PPP6C: variants seen among roughly 807,000 people sequenced by gnomAD.
The protein encoded by PPP6C is serine/threonine-protein phosphatase 6 catalytic subunit.
A neutral mutation model predicts 39.8 loss-of-function variants in PPP6C; 11 were observed. The ratio of observed to expected loss-of-function variants is 0.28; its 90% CI spans 0.17 to 0.46. The LOEUF (loss-of-function observed/expected upper bound fraction) is 0.46. PPP6C is among the 20% of genes least tolerant of loss of function. The pLI, the probability that PPP6C is intolerant of heterozygous loss-of-function variation, is 1.00. For missense variants in PPP6C, 211 were observed against 373.9 expected (o/e 0.56, Z 3.59); for synonymous variants, 129 against 130.3 (o/e 0.99, Z 0.07).
In PPP6C at chr9:125,153,740, T is replaced by G; in HGVS notation, c.462A>C (p.Leu154Phe). 1 of 1,613,058 alleles carries G rather than the reference T, an allele frequency of 6.2e-7. No individual in the cohort carries two copies. Among genetic ancestry groups the G allele is most frequent in the Non-Finnish European group, 8.5e-7 (1 of 1,179,716 alleles). ...KVFDMLTVAA[L>F]IDEQILCVHG... ...GGACACACAAAATCTGCTCATCTAT[T>G]AACTAGCAAAAAAGGATAACAAAGA... The change falls in exon 6 of 7, where the codon TTA (leucine) becomes TTC (phenylalanine). Residue 154 changes from leucine to phenylalanine, a missense_variant and splice_region_variant. Physicochemically the swap from Leu to Phe is conservative, Grantham distance 22 (BLOSUM62 0). Transcript: ENST00000373547.
chr9:125,158,338 A>C lies in PPP6C; in HGVS notation c.282T>G (p.Thr94=). 1 of 1,613,452 alleles carries C rather than the reference A, an allele frequency of 6.2e-7. No individual in the cohort carries two copies. Among genetic ancestry groups the C allele is most frequent in the Non-Finnish European group, 8.5e-7 (1 of 1,179,420 alleles). ...DRGYYSLETF[T]YLLALKAKWP... ...ATTTAGCCTTTAATGCAAGAAGGTA[A>C]GTGAAGGTCTCCAAACTATAGTAAC... Residue 94 remains threonine, a synonymous_variant, in exon 4 of 7, where the codon ACT becomes ACG. Transcript: ENST00000373547.
Position 125,189,746 on chromosome 9 carries a change from CGGCGGCGGCGGCTGT to C in PPP6C, c.-43_-29del. 6.9e-7 allele frequency: 1 copy of C among 1,446,448 alleles called. No homozygotes were observed. Among genetic ancestry groups the C allele is most frequent in the Non-Finnish European group, 9.2e-7 (1 of 1,085,194 alleles). The allele number at this position is 1,446,448 out of a possible 1,614,324, so 89.6% of individuals were successfully genotyped here. The stretch of plus-strand genomic sequence containing the variant: ...TAAGAATAACAAGCCGCGGCAACAG[CGGCGGCGGCGGCTGT>C]AGCAGCGGCGGCGGCAGCGGCGGAG... On this transcript the variant is annotated 5_prime_UTR_variant, in exon 1 of 7. Transcript: ENST00000373547.
rs559579425 is a variant in PPP6C, at chr9:125,189,626, C to T, written c.75+18G>A. 6.2e-7 allele frequency: 1 copy of T among 1,612,492 alleles called. No homozygotes were observed. The highest frequency in any genetic ancestry group is 2.2e-5 in the East Asian group (1 of 44,658). ...GCGCCCCACAGCCGGAAGGGGCGAG[C>T]CCGCAAATAGGGCTCACCTTCAGGT... On this transcript the variant is annotated intron_variant, in intron 1 of 6. Coordinates refer to ENST00000373547, the MANE Select transcript of PPP6C (RefSeq NM_002721.5).
chr9:125,164,479 C>A (rs1828969774), intron 2 of PPP6C, among the ~76,000 whole-genome samples: 1 of 151,964 alleles, frequency 6.6e-6, no homozygotes. Flanking sequence ...CTGCCCGCCT[C>A]AGCCTCCCAA....
intron 1 of PPP6C, chr9:125,171,905 T>A (rs1200860879): frequency 4.3e-6 from 2 of 464,654 alleles, no homozygotes; most frequent in African/African-American, 2.0e-5. Context: ...AACCACACAC[T>A]TACCATTTGA....
At chr9:125,179,571 C>T (rs1829379940) in intron 1 of PPP6C, among the ~76,000 whole-genome samples, 1 of 151,942 alleles carries the variant, frequency 6.6e-6, no homozygotes, top group South Asian at 2.1e-4. Flanking sequence ...AGGCTTTGTA[C>T]TTTCTGTTCA....
intron 6 of PPP6C, chr9:125,150,935 G>C (rs1835921155): frequency 9.0e-7 from 1 of 1,108,742 alleles, no homozygotes. Context: ...CTTATGCCCA[G>C]CAGGATAATA....
At chr9:125,158,764 C>T (rs567698999) in intron 3 of PPP6C, among the ~76,000 whole-genome samples, 2 of 151,414 alleles carry the variant, frequency 1.3e-5, no homozygotes, top group South Asian at 4.2e-4. Context: ...CGGGTTCAAG[C>T]GATTCTCTTG....
intron 2 of PPP6C, among the ~76,000 whole-genome samples, chr9:125,162,118 T>G (rs935705951): frequency 1.7e-4 from 26 of 151,064 alleles, no homozygotes; most frequent in African/African-American, 6.1e-4. Flanking sequence ...TTTAGGAAGC[T>G]TAATATAAAA....
chr9:125,183,895 C>T lies in PPP6C; in HGVS notation c.75+5749G>A, dbSNP rs116608143. Among the ~76,000 whole-genome samples, 1,215 of 152,270 alleles carry T rather than the reference C, an allele frequency of 8.0e-3. 20 individuals are homozygous for T. The highest frequency in any genetic ancestry group is 0.027 in the African/African-American group (1,138 of 41,552). Reference sequence around the variant, plus strand: ...TACTATATTGAAAGCCCCTCAAAGGCAGACACAAGTATCCAATTCTGCCCC... The same window carrying T: ...TACTATATTGAAAGCCCCTCAAAGGTAGACACAAGTATCCAATTCTGCCCC... On this transcript the variant is annotated intron_variant, in intron 1 of 6. Transcript: ENST00000373547.
intron 2 of PPP6C, 45 bp from the exon 3 acceptor site, chr9:125,160,951 G>A (rs775814178): frequency 1.5e-6 from 2 of 1,378,886 alleles, no homozygotes; most frequent in East Asian, 2.5e-5. Flanking sequence ...TTCCTGTTAA[G>A]AAGCAAAGCA....
At chr9:125,180,530 C>A (rs969776544) in intron 1 of PPP6C, among the ~76,000 whole-genome samples, 4 of 152,196 alleles carry the variant, frequency 2.6e-5, no homozygotes, top group African/African-American at 9.7e-5. Flanking sequence ...TCAAGCGATT[C>A]TCCTGCCTCA....
At chr9:125,164,980 G>A (rs1457894910) in intron 2 of PPP6C, among the ~76,000 whole-genome samples, 10 of 151,856 alleles carry the variant, frequency 6.6e-5, no homozygotes, top group East Asian at 1.9e-4. Context: ...CTCGTGATCC[G>A]CCCGCCTCGG....
intron 2 of PPP6C, among the ~76,000 whole-genome samples, chr9:125,168,493 T>C (rs989767572): frequency 6.6e-6 from 1 of 152,170 alleles, no homozygotes; most frequent in African/African-American, 2.4e-5. Flanking sequence ...AGTTTCGCTC[T>C]TGTTGCCCAG....
chr9:125,189,730 C>A lies in PPP6C; in HGVS notation c.-12G>T, dbSNP rs1233299368. 2.5e-6 allele frequency: 4 copies of A among 1,571,236 alleles called. No individual in the cohort carries two copies. In the Admixed American group the frequency reaches 7.9e-5, roughly 31 times the overall value. On this transcript the variant is annotated 5_prime_UTR_variant, in exon 1 of 7. Transcript: ENST00000373547. ...TCTAGCGGCGCCATTTTAAGAATAA[C>A]AAGCCGCGGCAACAGCGGCGGCGGC...
intron 1 of PPP6C, among the ~76,000 whole-genome samples, chr9:125,189,344 G>A (rs1408394907): frequency 6.6e-6 from 1 of 152,208 alleles, no homozygotes; most frequent in Non-Finnish European, 1.5e-5. Flanking sequence ...GGGGAGCCGA[G>A]CCTTCTAAAT....
At chr9:125,154,055 G>C (rs1836012591) in intron 4 of PPP6C, 70 bp from the exon 5 acceptor site, 1 of 1,178,884 alleles carries the variant, frequency 8.5e-7, no homozygotes, top group African/African-American at 1.5e-5. Context: ...TCCAATACTA[G>C]AGCAGCCTTC....
chr9:125,178,469 T>A (rs1829351073), intron 1 of PPP6C, among the ~76,000 whole-genome samples: 1 of 152,236 alleles, frequency 6.6e-6, no homozygotes, highest in Admixed American at 6.5e-5. Flanking sequence ...AGGTGTCTTT[T>A]GTCCATTTTT....
chr9:125,153,823 T>C, intron 5 of PPP6C, 81 bp from the exon 6 acceptor site: 1 of 1,526,822 alleles, frequency 6.5e-7, no homozygotes, highest in South Asian at 1.1e-5. Context: ...AAGATATCAA[T>C]ATAATTGAGA....
Sources: allele counts gnomAD v4.1 joint callset (sites outside exome capture counted in the v4.1 genomes callset), GRCh38; gene constraint gnomAD v4.1.1; transcripts MANE v1.5; gene names NCBI Gene and HGNC (gene_info 2026-07-23, HGNC 2026-07-21).